UBE2U: variants seen among roughly 807,000 people sequenced by gnomAD.
UBE2U encodes ubiquitin conjugating enzyme E2 U.
Under a neutral mutation model 41.2 loss-of-function variants are expected in UBE2U, and 39 were observed. That is an observed-to-expected ratio of 0.95 (90% CI 0.73 to 1.24). The LOEUF (loss-of-function observed/expected upper bound fraction) is 1.24. Among genes scored for constraint, UBE2U ranks in the 50% most tolerant of loss-of-function variants. The pLI, the probability that UBE2U is intolerant of heterozygous loss-of-function variation, is 0.00. For synonymous variants in UBE2U, 107 were observed against 117.8 expected (o/e 0.91, Z 0.60); for missense variants, 336 against 363.1 (o/e 0.93, Z 0.61).
At chr1:64,237,273 C>A (rs888993893) in intron 7 of UBE2U, among the ~76,000 whole-genome samples, 1 of 139,684 alleles carries the variant, frequency 7.2e-6, no homozygotes. Context: ...CAGGGCAACC[C>A]GTACAGATGT....
rs117144142 is a variant in UBE2U at position 64,253,209 on chromosome 1, T to C, written c.678-7394T>C. Among the ~76,000 whole-genome samples, 12 of 152,070 alleles carry C rather than the reference T, an allele frequency of 7.9e-5. No homozygotes were observed. The East Asian group carries it at 2.1e-3, about 27-fold the overall frequency. On this transcript the variant is annotated intron_variant, in intron 8 of 9. Transcript: ENST00000371077. Reference sequence around the variant, plus strand: ...CTGAAATAAGATAGGCAGATAAGAATAGAGAAAAAAGAACAAAAAGGAATG... The same window carrying C: ...CTGAAATAAGATAGGCAGATAAGAACAGAGAAAAAAGAACAAAAAGGAATG...
At chr1:64,263,333 AGT>A (rs1645207791) in intron 9 of UBE2U, among the ~76,000 whole-genome samples, 1 of 152,166 alleles carries the variant, frequency 6.6e-6, no homozygotes, top group South Asian at 2.1e-4. Context: ...TAGTGGGTGC[AGT>A]GTGCCCCCAG....
intron 7 of UBE2U, among the ~76,000 whole-genome samples, chr1:64,238,022 A>G (rs919406615): frequency 3.9e-5 from 6 of 152,250 alleles, no homozygotes; most frequent in Non-Finnish European, 7.3e-5. Flanking sequence ...ATGAGAAGAC[A>G]TTACTCAACC....
At chr1:64,217,213 T>C (rs528836783) in intron 5 of UBE2U, among the ~76,000 whole-genome samples, 1 of 152,224 alleles carries the variant, frequency 6.6e-6, no homozygotes, top group African/African-American at 2.4e-5. Context: ...TAGTGTTTAT[T>C]TGATAGAGCT....
intron 7 of UBE2U, among the ~76,000 whole-genome samples, chr1:64,236,259 G>A (rs548997318): frequency 2.6e-5 from 4 of 152,120 alleles, no homozygotes; most frequent in Non-Finnish European, 5.9e-5. Flanking sequence ...CAATTAATTC[G>A]GTAGGCTGTG....
Position 64,220,620 on chromosome 1 carries a change from C to T in UBE2U, c.458-239C>T, listed in dbSNP as rs1652381575. 2.0e-5 allele frequency among the ~76,000 whole-genome samples: 3 copies of T among 152,128 alleles called. No individual in the cohort carries two copies. In the South Asian group the frequency reaches 6.2e-4, roughly 32 times the overall value. On this transcript the variant is annotated intron_variant, in intron 5 of 9. Transcript: ENST00000371077. ...GAATCCATTTGCTTTTCGTTGGTCT[C>T]CTCTCATCAAGCAGTTTTTTTTTTC...
intron 7 of UBE2U, among the ~76,000 whole-genome samples, chr1:64,235,232 T>C (rs577695425): frequency 6.6e-6 from 1 of 152,212 alleles, no homozygotes; most frequent in Non-Finnish European, 1.5e-5. Flanking sequence ...CATCCCTGTT[T>C]GTAAAGGTAA....
At position 64,210,811 on chromosome 1, in the gene UBE2U, C is replaced by T; in HGVS notation, c.311C>T (p.Thr104Ile). Reference sequence around the variant, plus strand: ...CCTGAGAAGTGGAATACAAACTATACATTGAGCAGCATCTTACTTGCCCTA... The same window carrying T: ...CCTGAGAAGTGGAATACAAACTATATATTGAGCAGCATCTTACTTGCCCTA... ...DNPEKWNTNY[T>I]LSSILLALQV... The change falls in exon 4 of 10, where the codon ACA (threonine) becomes ATA (isoleucine). Residue 104 changes from threonine to isoleucine, a missense_variant. Transcript: ENST00000371077. 1.2e-6 allele frequency: 2 copies of T among 1,606,068 alleles called. No individual in the cohort carries two copies. The highest frequency in any genetic ancestry group is 2.2e-5 in the East Asian group (1 of 44,580).
chr1:64,222,212 G>T (rs1447436724), intron 6 of UBE2U, among the ~76,000 whole-genome samples: 2 of 151,970 alleles, frequency 1.3e-5, no homozygotes, highest in Non-Finnish European at 2.9e-5. Context: ...TTCAATAGAG[G>T]ACATTGCCAC....
intron 4 of UBE2U, among the ~76,000 whole-genome samples, chr1:64,213,781 C>T (rs767281138): frequency 6.6e-6 from 1 of 152,130 alleles, no homozygotes; most frequent in Non-Finnish European, 1.5e-5. Context: ...CACATTTCAT[C>T]GTTGTTTGAA....
intron 6 of UBE2U, among the ~76,000 whole-genome samples, chr1:64,222,104 A>AAC (rs1036280960): frequency 6.6e-6 from 1 of 151,462 alleles, no homozygotes; most frequent in Non-Finnish European, 1.5e-5. Flanking sequence ...AAAAAAAAAA[A>AAC]AAAAACACAA....
intron 7 of UBE2U, among the ~76,000 whole-genome samples, chr1:64,240,265 T>G (rs926880026): frequency 2.6e-5 from 4 of 152,160 alleles, no homozygotes; most frequent in African/African-American, 7.2e-5. Flanking sequence ...CTAACTTTAA[T>G]AGGAACATCA....
At chr1:64,239,157 A>AGGAAGAAG (rs756975010) in intron 7 of UBE2U, among the ~76,000 whole-genome samples, 1 of 37,064 alleles carries the variant, frequency 2.7e-5, no homozygotes, top group Non-Finnish European at 5.8e-5. Flanking sequence ...GAAGAAGAAG[A>AGGAAGAAG]AAGAAGAAGA....
chr1:64,239,158 AAGAAGAAGAAG>A (rs1644772414), intron 7 of UBE2U, among the ~76,000 whole-genome samples: 3 of 12,478 alleles, frequency 2.4e-4, no homozygotes, highest in Admixed American at 1.1e-3. Context: ...AAGAAGAAGA[AAGAAGAAGAAG>A]AAGAAGAAGA....
chr1:64,263,015 G>T (rs1407742024), intron 9 of UBE2U, among the ~76,000 whole-genome samples: 1 of 150,532 alleles, frequency 6.6e-6, no homozygotes, highest in African/African-American at 2.4e-5. Context: ...GTTTTTATCT[G>T]CCTTGTGATT....
Position 64,241,702 on chromosome 1 carries a change from G to A in UBE2U, c.646G>A (p.Asp216Asn). ...ACAGTATTACAAATGGAAGAAAATG[G>A]ATCTACAGCATCAGAAAGAATGGAA... Reference protein sequence around the residue: ...IGQYYKWKKMDLQHQKEWNLK... With the variant: ...IGQYYKWKKMNLQHQKEWNLK... Residue 216 changes from aspartate to asparagine, a missense_variant, in exon 8 of 10, where the codon GAT becomes AAT. Transcript: ENST00000371077. 6.2e-7 allele frequency: 1 copy of A among 1,609,498 alleles called. No homozygotes were observed. Among genetic ancestry groups the A allele is most frequent in the Non-Finnish European group, 8.5e-7 (1 of 1,178,078 alleles).
At chr1:64,245,814 C>T (rs1330225016) in intron 8 of UBE2U, among the ~76,000 whole-genome samples, 2 of 152,078 alleles carry the variant, frequency 1.3e-5, no homozygotes, top group African/African-American at 2.4e-5. Flanking sequence ...CTCCTAAGAC[C>T]CATCCCCCAA....
intron 5 of UBE2U, chr1:64,215,563 A>G (rs1248189280): frequency 6.6e-6 from 1 of 152,242 alleles, no homozygotes; most frequent in African/African-American, 2.4e-5. Flanking sequence ...TCTGTAATGG[A>G]CATTTCCCAG....
intron 8 of UBE2U, among the ~76,000 whole-genome samples, chr1:64,251,433 A>G (rs184278046): frequency 2.6e-5 from 4 of 152,304 alleles, no homozygotes; most frequent in Admixed American, 2.6e-4. Context: ...CAATAGATGA[A>G]AAGAAATTCT....
Sources: gnomAD v4.1 joint callset for allele counts (sites outside exome capture counted in the v4.1 genomes callset) on GRCh38, gnomAD v4.1.1 for gene constraint, MANE v1.5 for transcripts, NCBI Gene and HGNC (gene_info 2026-07-23, HGNC 2026-07-21) for gene names.